Variants in SCAPER observed in about 807,000 individuals in gnomAD.
SCAPER encodes the protein S-phase cyclin A associated protein in the ER, also known as S phase cyclin A-associated protein in the endoplasmic reticulum.
A neutral mutation model predicts 182.2 loss-of-function variants in SCAPER; 98 were observed. The observed-to-expected ratio is 0.54, with a 90% CI of 0.46 to 0.64. SCAPER has a LOEUF of 0.64. SCAPER is among the 30% of genes least tolerant of loss of function. The pLI, the probability that SCAPER is intolerant of heterozygous loss-of-function variation, is 0.00. For missense variants in SCAPER, 1,432 were observed against 1,690.0 expected (o/e 0.85, Z 2.68); for synonymous variants, 605 against 564.6 (o/e 1.07, Z -1.01).
intron 30 of SCAPER, among the ~76,000 whole-genome samples, chr15:76,352,290 T>TG (rs397780592): frequency 2.6e-5 from 4 of 151,932 alleles, no homozygotes; most frequent in Admixed American, 1.3e-4. Flanking sequence ...ATTTTTTTTT[T>TG]GTCTTTTGCT....
chr15:76,601,542 G>A lies in SCAPER; in HGVS notation c.2711+20222C>T, dbSNP rs1186619546. Among the ~76,000 whole-genome samples the A allele has an allele frequency of 7.4e-5, 9 of 121,452 alleles. 3 individuals are homozygous for A. The highest frequency in any genetic ancestry group is 1.4e-4 in the Non-Finnish European group (7 of 50,014). 79.7% of individuals were successfully genotyped at this position (121,452 alleles called of 152,430 possible). ...ATCATATAGCTTAAATGTATAGTAG[G>A]CTACACCATCTGGGTTTGTGTATGT... On this transcript the variant is annotated intron_variant, in intron 22 of 31. Transcript: ENST00000563290.
At chr15:76,905,075 G>A (rs1272379647) in intron 1 of SCAPER, 3 of 152,634 alleles carry the variant, frequency 2.0e-5, no homozygotes, top group Admixed American at 6.6e-5. Flanking sequence ...CCGTCCCGAG[G>A]CCTCCGAGGC....
rs71143333 is a variant in SCAPER, at chr15:76,488,714, C to CTTTTTTTTTTTTTTTTTTT, written c.2954+16126_2954+16144dup. ...TTGCATCCTGATAACAGTACACTGC[C>CTTTTTTTTTTTTTTTTTTT]TTTTTTTTTTTTTTTTTTTTTTTTT... On this transcript the variant is annotated intron_variant, in intron 24 of 31. Coordinates refer to ENST00000563290, the MANE Select transcript of SCAPER (RefSeq NM_020843.4). 1.8e-3 allele frequency among the ~76,000 whole-genome samples: 171 copies of CTTTTTTTTTTTTTTTTTTT among 93,098 alleles called. 23 individuals carry two copies. Among genetic ancestry groups the CTTTTTTTTTTTTTTTTTTT allele is most frequent in the East Asian group, 6.8e-3 (17 of 2,486 alleles). 61.1% of individuals were successfully genotyped at this position (93,098 alleles called of 152,430 possible).
chr15:76,888,325 T>C (rs564488691), intron 1 of SCAPER, among the ~76,000 whole-genome samples: 11 of 152,304 alleles, frequency 7.2e-5, no homozygotes, highest in African/African-American at 2.6e-4. Context: ...GGATGGAGAA[T>C]GATGAGTTGA....
At chr15:76,453,412 C>T (rs1193022239) in intron 25 of SCAPER, among the ~76,000 whole-genome samples, 2 of 152,154 alleles carry the variant, frequency 1.3e-5, no homozygotes, top group Non-Finnish European at 2.9e-5. Context: ...TAGAAAACTC[C>T]TCAGTGACTC....
rs1296093109 is a variant in SCAPER, at chr15:76,434,874, AC to A, written c.3079-565del. On this transcript the variant is annotated intron_variant, in intron 25 of 31. Coordinates refer to ENST00000563290, the MANE Select transcript of SCAPER (RefSeq NM_020843.4). ...GTGGTTATTAAACGTTGGAGCTTGG[AC>A]CATGGCTCTGCAGTGTATGATCTGA... Among the ~76,000 whole-genome samples, 7 of 152,346 alleles carry A rather than the reference AC, an allele frequency of 4.6e-5. No homozygotes were observed. The East Asian group carries it at 1.3e-3, about 29-fold the overall frequency.
chr15:76,562,076 A>C lies in SCAPER; in HGVS notation c.2838+12082T>G, dbSNP rs1248195070. Among the ~76,000 whole-genome samples the C allele has an allele frequency of 2.8e-5, 4 of 142,202 alleles. No homozygotes were observed. The East Asian group carries it at 8.9e-4, about 32-fold the overall frequency. The allele number at this position is 142,202 out of a possible 152,430, so 93.3% of individuals were successfully genotyped here. A position where few individuals can be genotyped will look rare whatever the true frequency, so the allele number is the denominator to read the frequency against. ...GGCGGAAGAATCGCTTGAACCTAGG[A>C]GGCAGAGGTTGCAGTGAGCTAAGAC... On this transcript the variant is annotated intron_variant, in intron 23 of 31. Transcript: ENST00000563290.
Position 76,597,670 on chromosome 15 carries a change from T to G in SCAPER, c.2712-23386A>C, listed in dbSNP as rs1453394792. On this transcript the variant is annotated intron_variant, in intron 22 of 31. Coordinates refer to ENST00000563290, the MANE Select transcript of SCAPER (RefSeq NM_020843.4). ...CACACATCTACAACCATCTGATCTT[T>G]GACAAACCTGACAAAAACAAGAAAT... Among the ~76,000 whole-genome samples the G allele has an allele frequency of 1.7e-5, 2 of 120,358 alleles. 1 individual carries two copies. Among genetic ancestry groups the G allele is most frequent in the Non-Finnish European group, 4.0e-5 (2 of 49,610 alleles). The allele number at this position is 120,358 out of a possible 152,430, so 79.0% of individuals were successfully genotyped here.
At chr15:76,723,374 G>A (rs1165093119) in intron 17 of SCAPER, among the ~76,000 whole-genome samples, 2 of 152,172 alleles carry the variant, frequency 1.3e-5, no homozygotes, top group Non-Finnish European at 2.9e-5. Context: ...TGGAATAGGT[G>A]TGGTGTGGTG....
At chr15:76,419,245 C>A (rs1487530826) in intron 26 of SCAPER, among the ~76,000 whole-genome samples, 1 of 151,516 alleles carries the variant, frequency 6.6e-6, no homozygotes, top group African/African-American at 2.4e-5. Context: ...AGGAGAATCG[C>A]TTGAACCCAG....
intron 16 of SCAPER, among the ~76,000 whole-genome samples, chr15:76,729,288 A>G: frequency 8.2e-6 from 1 of 121,794 alleles, no homozygotes; most frequent in Admixed American, 7.9e-5. Context: ...ACACATATAT[A>G]TACACATACA....
chr15:76,601,087 T>G (rs62030420), intron 22 of SCAPER, among the ~76,000 whole-genome samples: 13,304 of 121,046 alleles, frequency 0.11, 3,888 homozygotes, highest in Middle Eastern at 0.23. Flanking sequence ...GAATAGAAAT[T>G]GAAAATTATG....
rs143023327 is a variant in SCAPER, at chr15:76,611,249, T to G, written c.2711+10515A>C. ...AATCGAACACCAGTCTCAAACAATATAGAAAAAAACTCAAAACAGATAAAA... is the reference window on the plus strand; with the variant it reads ...AATCGAACACCAGTCTCAAACAATAGAGAAAAAAACTCAAAACAGATAAAA... On this transcript the variant is annotated intron_variant, in intron 22 of 31. Coordinates refer to ENST00000563290, the MANE Select transcript of SCAPER (RefSeq NM_020843.4). 9.9e-5 allele frequency among the ~76,000 whole-genome samples: 15 copies of G among 151,002 alleles called. No individual in the cohort carries two copies. The East Asian group carries it at 2.5e-3, about 26-fold the overall frequency.
intron 22 of SCAPER, among the ~76,000 whole-genome samples, chr15:76,621,377 TCTC>T (rs1185551407): frequency 3.9e-5 from 6 of 152,158 alleles, no homozygotes; most frequent in African/African-American, 1.4e-4. Flanking sequence ...CTTAAAGAGA[TCTC>T]CTCAGAGCAA....
At chr15:76,665,408 A>C (rs2056496786) in intron 21 of SCAPER, among the ~76,000 whole-genome samples, 1 of 152,194 alleles carries the variant, frequency 6.6e-6, no homozygotes, top group Non-Finnish European at 1.5e-5. Flanking sequence ...GAGGAGGCAC[A>C]AGTTTGGCAG....
At chr15:76,462,317 G>C (rs1477197928) in intron 25 of SCAPER, among the ~76,000 whole-genome samples, 2 of 152,098 alleles carry the variant, frequency 1.3e-5, no homozygotes, top group Non-Finnish European at 2.9e-5. Flanking sequence ...ACTTTACTCA[G>C]CATTTACATT....
chr15:76,499,376 G>A (rs770325231), intron 24 of SCAPER, among the ~76,000 whole-genome samples: 2 of 152,220 alleles, frequency 1.3e-5, no homozygotes, highest in Middle Eastern at 3.4e-3. Flanking sequence ...ATACCTGACA[G>A]CTCTACATGG....
intron 15 of SCAPER, among the ~76,000 whole-genome samples, chr15:76,750,389 C>T (rs1427039467): frequency 6.6e-6 from 1 of 151,866 alleles, no homozygotes; most frequent in East Asian, 1.9e-4. Context: ...CCTTCTCAAA[C>T]TCCAAACAAT....
intron 5 of SCAPER, among the ~76,000 whole-genome samples, chr15:76,840,899 A>G (rs2069409873): frequency 6.6e-6 from 1 of 152,206 alleles, no homozygotes; most frequent in Non-Finnish European, 1.5e-5. Flanking sequence ...ACACCTTACA[A>G]TGACATCCCA....
Sources: gnomAD v4.1 joint callset for allele counts (sites outside exome capture counted in the v4.1 genomes callset) on GRCh38, gnomAD v4.1.1 for gene constraint, MANE v1.5 for transcripts, NCBI Gene and HGNC (gene_info 2026-07-23, HGNC 2026-07-21) for gene names.